The following EDDM13 variants were observed in gnomAD, a reference collection of about 807,000 sequenced individuals.
EDDM13 encodes epididymal protein 13.
A neutral mutation model predicts 17.8 loss-of-function variants in EDDM13; 24 were observed. The observed-to-expected ratio is 1.35, with a 90% CI of 0.98 to 1.90. The LOEUF (loss-of-function observed/expected upper bound fraction) is 1.90, where lower values mean the gene tolerates loss of function less well. Ranked by LOEUF, EDDM13 falls within the 40% of genes most tolerant of loss-of-function variation. The pLI is 0.00. For missense variants in EDDM13, 97 were observed against 100.8 expected, an observed-to-expected ratio of 0.96 and a Z score of 0.16; for synonymous variants, 31 against 37.5, an observed-to-expected ratio of 0.83 and a Z score of 0.63.
chr19:56,302,817 G>C, intron 13 of EDDM13: 3 of 398,590 alleles, frequency 7.5e-6, no homozygotes, highest in Non-Finnish European at 1.3e-5. Flanking sequence ...CTCTCTCTCT[G>C]CCGCTGTCTC....
intron 2 of EDDM13, chr19:56,280,739 CAGAG>C (rs2038630101): frequency 6.6e-6 from 1 of 152,144 alleles, no homozygotes; most frequent in Non-Finnish European, 1.5e-5. Context: ...GAAACAGAGA[CAGAG>C]AGCTCAGAGC....
chr19:56,277,176 G>A (rs1026000739), intron 2 of EDDM13, among the ~76,000 whole-genome samples: 3 of 152,110 alleles, frequency 2.0e-5, no homozygotes, highest in African/African-American at 7.2e-5. Flanking sequence ...CAGCAATTCC[G>A]CTCTAGGTAT....
intron 2 of EDDM13, among the ~76,000 whole-genome samples, chr19:56,276,944 A>C (rs2147015471): frequency 6.6e-6 from 1 of 152,148 alleles, no homozygotes; most frequent in South Asian, 2.1e-4. Context: ...AAATACTTAT[A>C]TTTACAAAAA....
At chr19:56,307,323 CTGCTTAAAT>C (rs2040757787) in intron 14 of EDDM13, among the ~76,000 whole-genome samples, 1 of 152,158 alleles carries the variant, frequency 6.6e-6, no homozygotes, top group Non-Finnish European at 1.5e-5. Context: ...TGCTGCAGTC[CTGCTTAAAT>C]CCACCAGTGG....
rs549348111 is a variant in EDDM13 at position 56,279,494 on chromosome 19, T to C, written c.104-2199T>C. On this transcript the variant is annotated intron_variant, in intron 2 of 14. Transcript: ENST00000649256. The stretch of plus-strand genomic sequence containing the variant: ...TGAAAGGAGATAAAAGGATCCAATA[T>C]TAATTAAGCATTTAGCATGTACTGA... Among the ~76,000 whole-genome samples the C allele has an allele frequency of 8.5e-5, 13 of 152,312 alleles. No individual in the cohort carries two copies. The South Asian group carries it at 2.5e-3, about 29-fold the overall frequency.
chr19:56,298,323 A>G (rs1365974617), intron 12 of EDDM13: 1 of 152,068 alleles, frequency 6.6e-6, no homozygotes, highest in East Asian at 1.9e-4. Flanking sequence ...AACACAAATT[A>G]CCAAAAACAA....
chr19:56,280,237 A>G (rs2038587704), intron 2 of EDDM13, among the ~76,000 whole-genome samples: 1 of 152,230 alleles, frequency 6.6e-6, no homozygotes, highest in Admixed American at 6.5e-5. Context: ...TAATACTTCC[A>G]GAAGATGACT....
chr19:56,272,906 T>C lies in EDDM13; in HGVS notation c.72T>C (p.Cys24=). The C allele has an allele frequency of 1.0e-6, 1 of 985,254 alleles. No homozygotes were observed. The highest frequency in any genetic ancestry group is 1.2e-6 in the Non-Finnish European group (1 of 829,746). 61.0% of individuals were successfully genotyped at this position (985,254 alleles called of 1,614,324 possible). A position where few individuals can be genotyped will look rare whatever the true frequency, so the allele number is the denominator to read the frequency against. ...TTTTCCTGGGATTGGCAGAAGCCTG[T>C]ACTCCTCGTGAAGGTAATGCTTCCA... ...ILLFLGLAEA[C]TPREVATKEK... is the part of the protein sequence containing the mutation. The change falls in exon 1 of 15, where the codon TGT becomes TGC. Residue 24 remains cysteine, a synonymous_variant. Coordinates refer to ENST00000649256, the MANE Select transcript of EDDM13 (RefSeq NM_001354658.2).
intron 6 of EDDM13, chr19:56,286,544 C>A (rs1045130251): frequency 2.0e-5 from 3 of 152,132 alleles, no homozygotes; most frequent in African/African-American, 2.4e-5. Flanking sequence ...AAGGAGGAGA[C>A]AACTGTGAAG....
chr19:56,290,802 C>T (rs2039460424), intron 8 of EDDM13, among the ~76,000 whole-genome samples, 39 bp from the exon 9 acceptor site: 1 of 152,236 alleles, frequency 6.6e-6, no homozygotes, highest in Non-Finnish European at 1.5e-5. Flanking sequence ...CTCTTCTCCA[C>T]ACTGACTCCC....
Position 56,300,719 on chromosome 19 carries a change from TC to T in EDDM13, c.296-1248del, listed in dbSNP as rs2040168392. Among the ~76,000 whole-genome samples the T allele has an allele frequency of 2.0e-5, 3 of 152,338 alleles. No individual in the cohort carries two copies. The East Asian group carries it at 5.8e-4, about 29-fold the overall frequency. ...TTCAACAGGGAGAATTCATTTTTTTTCGTTTTCGATTTGCATTTGCCTGTAC... is the reference window on the plus strand; with the variant it reads ...TTCAACAGGGAGAATTCATTTTTTTTGTTTTCGATTTGCATTTGCCTGTAC... On this transcript the variant is annotated intron_variant, in intron 12 of 14. Coordinates refer to ENST00000649256, the MANE Select transcript of EDDM13 (RefSeq NM_001354658.2).
At chr19:56,274,974 A>T (rs1335839691) in intron 1 of EDDM13, 1 of 152,176 alleles carries the variant, frequency 6.6e-6, no homozygotes, top group Non-Finnish European at 1.5e-5. Context: ...GTTTGTCTGA[A>T]GCTTTCTCAT....
chr19:56,284,091 G>C, intron 4 of EDDM13, 107 bp from the exon 5 acceptor site: 2 of 866,396 alleles, frequency 2.3e-6, no homozygotes, highest in Non-Finnish European at 2.8e-6. Context: ...CCTCGTTTTT[G>C]GTTTTCTAAT....
rs1322207054 is a variant in EDDM13 at position 56,302,027 on chromosome 19, T to G, written c.355T>G (p.Trp119Gly). The G allele has an allele frequency of 6.5e-6, 8 of 1,231,854 alleles. No individual in the cohort carries two copies. The East Asian group carries it at 2.2e-4, about 34-fold the overall frequency. The allele number at this position is 1,231,854 out of a possible 1,614,324, so 76.3% of individuals were successfully genotyped here. ...ACCACTCCCCAAGAGGAAGAACACG[T>G]GGAACTTCCTGAAATGCGCCTACAT... ...RKPLPKRKNT[W>G]NFLKCAYMVM... Residue 119 changes from tryptophan to glycine, a missense_variant, in exon 13 of 15, where the codon TGG (tryptophan) becomes GGG (glycine). Physicochemically the swap from Trp to Gly is radical, Grantham distance 184. Transcript: ENST00000649256.
intron 1 of EDDM13, among the ~76,000 whole-genome samples, 47 bp from the exon 2 acceptor site, chr19:56,276,045 C>T (rs980492663): frequency 2.0e-5 from 3 of 152,216 alleles, no homozygotes; most frequent in Non-Finnish European, 4.4e-5. Context: ...TCTCTCTCTG[C>T]TCCCTGCTCC....
chr19:56,286,974 G>A lies in EDDM13; in HGVS notation c.155-1411G>A, dbSNP rs535037197. Among the ~76,000 whole-genome samples, 9 of 152,360 alleles carry A rather than the reference G, an allele frequency of 5.9e-5. No homozygotes were observed. In the South Asian group the frequency reaches 1.0e-3, roughly 18 times the overall value. Reference sequence around the variant, plus strand: ...CCCGGTAAACCAGGATTCACAGCACGCACTGCACAGTGTGGTTGTGAGATT... The same window carrying A: ...CCCGGTAAACCAGGATTCACAGCACACACTGCACAGTGTGGTTGTGAGATT... On this transcript the variant is annotated intron_variant, in intron 6 of 14. Coordinates refer to ENST00000649256, the MANE Select transcript of EDDM13 (RefSeq NM_001354658.2).
At chr19:56,293,908 C>A (rs911430706) in intron 9 of EDDM13, among the ~76,000 whole-genome samples, 1 of 152,152 alleles carries the variant, frequency 6.6e-6, no homozygotes, top group East Asian at 1.9e-4. Context: ...AGAAACCCCC[C>A]GCTGAATAAA....
intron 13 of EDDM13, chr19:56,302,937 A>C: frequency 2.5e-6 from 1 of 398,304 alleles, no homozygotes; most frequent in Non-Finnish European, 4.4e-6. Context: ...GGAGGCAGAC[A>C]TCCACAGAGA....
chr19:56,293,302 G>A (rs528819778), intron 9 of EDDM13, among the ~76,000 whole-genome samples: 5 of 152,238 alleles, frequency 3.3e-5, no homozygotes, highest in Admixed American at 2.0e-4. Flanking sequence ...CTTGCTCATG[G>A]TCACACAGCC....
Sources: gnomAD v4.1 joint callset for allele counts (sites outside exome capture counted in the v4.1 genomes callset) on GRCh38, gnomAD v4.1.1 for gene constraint, MANE v1.5 for transcripts, NCBI Gene and HGNC (gene_info 2026-07-23, HGNC 2026-07-21) for gene names.